Variants in TOM1 observed in about 807,000 individuals in gnomAD.
TOM1 encodes target of Myb protein 1.
TOM1 carries 38 observed loss-of-function variants against 61.3 expected under a neutral mutation model. The ratio of observed to expected loss-of-function variants is 0.62; its 90% CI spans 0.48 to 0.81. The LOEUF (loss-of-function observed/expected upper bound fraction) is 0.81, where lower values mean the gene tolerates loss of function less well. TOM1 is among the 40% of genes least tolerant of loss of function. The pLI is 0.00. For missense variants in TOM1, 591 were observed against 659.6 expected, an observed-to-expected ratio of 0.90 and a Z score of 1.14; for synonymous variants, 270 against 268.8, an observed-to-expected ratio of 1.00 and a Z score of -0.04.
At position 35,334,318 on chromosome 22, in the gene TOM1, G is replaced by C. The variant is rs1929097735; in HGVS notation, c.1028-10G>C. On this transcript the variant is annotated splice_polypyrimidine_tract_variant and intron_variant, in intron 10 of 14. Transcript: ENST00000449058. ...GATGGGTCTTTCACGTGGCCTTTCT[G>C]TCCCTGCAGACCTGGGCTCCAGCAG... 4 of 1,607,364 alleles carry C rather than the reference G, an allele frequency of 2.5e-6. No homozygotes were observed. In the African/African-American group the frequency reaches 5.4e-5, roughly 22 times the overall value.
intron 1 of TOM1, among the ~76,000 whole-genome samples, chr22:35,316,344 G>T (rs1927275194): frequency 6.6e-6 from 1 of 152,242 alleles, no homozygotes; most frequent in South Asian, 2.1e-4. Flanking sequence ...AAGAAACAGG[G>T]CACAAAATTT....
chr22:35,339,826 C>T (rs1201845757), intron 12 of TOM1, among the ~76,000 whole-genome samples: 2 of 147,352 alleles, frequency 1.4e-5, no homozygotes, highest in East Asian at 2.0e-4. Flanking sequence ...ATGGCGTGAA[C>T]CCAGGAGGCG....
In TOM1 at chr22:35,309,659, A is replaced by G. The variant is rs117401936; in HGVS notation, c.53-8218A>G. On this transcript the variant is annotated intron_variant, in intron 1 of 14. Transcript: ENST00000449058. ...ACTCCATCTCAAAAAAAAAAAAAAA[A>G]AGAGAGAGAACTGAGAGACCTGCTG... Among the ~76,000 whole-genome samples, 593 of 151,386 alleles carry G rather than the reference A, an allele frequency of 3.9e-3. 8 individuals carry two copies. In the East Asian group the frequency reaches 0.049, roughly 12 times the overall value.
chr22:35,308,102 T>C (rs961758719), intron 1 of TOM1, among the ~76,000 whole-genome samples: 1 of 152,262 alleles, frequency 6.6e-6, no homozygotes, highest in Non-Finnish European at 1.5e-5. Context: ...TCCTTGCACT[T>C]GGACAGCATC....
intron 12 of TOM1, among the ~76,000 whole-genome samples, chr22:35,343,083 A>G (rs1930044595): frequency 8.4e-6 from 1 of 118,790 alleles, no homozygotes; most frequent in Non-Finnish European, 1.7e-5. Context: ...CCCTACACAC[A>G]CCACACCTAC....
At chr22:35,306,985 T>G (rs1351028364) in intron 1 of TOM1, among the ~76,000 whole-genome samples, 1 of 151,916 alleles carries the variant, frequency 6.6e-6, no homozygotes, top group Non-Finnish European at 1.5e-5. Context: ...CTTAGTGAGC[T>G]CAAAGAAATA....
At chr22:35,312,791 G>A (rs997371127) in intron 1 of TOM1, among the ~76,000 whole-genome samples, 10 of 152,332 alleles carry the variant, frequency 6.6e-5, no homozygotes, top group African/African-American at 2.2e-4. Context: ...GAGGAAGGGG[G>A]TACAGCTGAC....
intron 7 of TOM1, among the ~76,000 whole-genome samples, chr22:35,329,784 C>G (rs547716813): frequency 2.6e-5 from 4 of 152,146 alleles, no homozygotes; most frequent in Non-Finnish European, 5.9e-5. Flanking sequence ...GGAATCTGCA[C>G]GAAGCCAAGT....
chr22:35,334,530 C>CT, intron 11 of TOM1, 82 bp downstream of exon 11: 1 of 1,551,762 alleles, frequency 6.4e-7, no homozygotes, highest in Non-Finnish European at 8.8e-7. Context: ...GGTGGCACAC[C>CT]ATGAGGAAGG....
At chr22:35,336,164 C>G (rs1929313607) in intron 11 of TOM1, among the ~76,000 whole-genome samples, 1 of 152,182 alleles carries the variant, frequency 6.6e-6, no homozygotes. Flanking sequence ...CTTCTCAGGC[C>G]ATTGGTTCTC....
At chr22:35,300,086 A>G (rs1441507572) in intron 1 of TOM1, 106 bp downstream of exon 1, 4 of 1,264,256 alleles carry the variant, frequency 3.2e-6, no homozygotes, top group Non-Finnish European at 4.4e-6. Flanking sequence ...GAGGGCAAGG[A>G]GGCTGGCGTG....
At chr22:35,320,162 G>C (rs183040726) in intron 2 of TOM1, among the ~76,000 whole-genome samples, 2 of 152,238 alleles carry the variant, frequency 1.3e-5, no homozygotes, top group African/African-American at 2.4e-5. Context: ...CTCTACCCAG[G>C]GTGGGCCCCC....
chr22:35,301,631 A>ACC (rs1346569277), intron 1 of TOM1, among the ~76,000 whole-genome samples: 3 of 152,132 alleles, frequency 2.0e-5, no homozygotes, highest in Admixed American at 2.0e-4. Flanking sequence ...GTCTTGCGAA[A>ACC]CCTCACGAAA....
At chr22:35,320,040 A>C (rs1927634268) in intron 2 of TOM1, among the ~76,000 whole-genome samples, 1 of 152,208 alleles carries the variant, frequency 6.6e-6, no homozygotes, top group South Asian at 2.1e-4. Context: ...GATGGGTCCC[A>C]GTGGCCACTG....
At chr22:35,300,298 G>GCC (rs1925627257) in intron 1 of TOM1, among the ~76,000 whole-genome samples, 1 of 152,280 alleles carries the variant, frequency 6.6e-6, no homozygotes, top group Non-Finnish European at 1.5e-5. Flanking sequence ...TGGTTAAAGG[G>GCC]ACTGCGTGGT....
At chr22:35,304,677 A>C (rs1481777318) in intron 1 of TOM1, among the ~76,000 whole-genome samples, 3 of 152,082 alleles carry the variant, frequency 2.0e-5, no homozygotes, top group African/African-American at 7.2e-5. Context: ...ACGGGGTTTC[A>C]CCGTGTTAGC....
At chr22:35,333,333 A>T in intron 9 of TOM1, 71 bp from the exon 10 acceptor site, 1 of 1,407,354 alleles carries the variant, frequency 7.1e-7, no homozygotes. Context: ...CCTGCAAGCC[A>T]CAGTGCTTGG....
intron 11 of TOM1, among the ~76,000 whole-genome samples, chr22:35,337,347 C>G (rs947838194): frequency 6.6e-6 from 1 of 152,218 alleles, no homozygotes; most frequent in African/African-American, 2.4e-5. Flanking sequence ...CAACAAGCAC[C>G]TCCAGACCCT....
chr22:35,327,185 G>C, intron 6 of TOM1, 86 bp from the exon 7 acceptor site: 5 of 1,300,602 alleles, frequency 3.8e-6, no homozygotes, highest in Middle Eastern at 1.8e-4. Flanking sequence ...CTGCACCCAG[G>C]GTTGGTGGTA....
Sources: allele counts gnomAD v4.1 joint callset (sites outside exome capture counted in the v4.1 genomes callset), GRCh38; gene constraint gnomAD v4.1.1; transcripts MANE v1.5; gene names NCBI Gene and HGNC (gene_info 2026-07-23, HGNC 2026-07-21).